The following PEBP4 variants were observed in gnomAD, a reference collection of about 807,000 sequenced individuals.
The protein encoded by PEBP4 is phosphatidylethanolamine binding protein 4, also known as phosphatidylethanolamine-binding protein 4.
PEBP4 carries 22 observed loss-of-function variants against 23.9 expected under a neutral mutation model. That is an observed-to-expected ratio of 0.92 (90% CI 0.66 to 1.31). PEBP4 has a LOEUF of 1.31. PEBP4 is among the 40% of genes most tolerant of loss of function. PEBP4 has a pLI of 0.00. For missense variants in PEBP4, 324 were observed against 281.7 expected (o/e 1.15, Z -1.07); for synonymous variants, 112 against 99.3 (o/e 1.13, Z -0.76).
Position 22,927,626 on chromosome 8 carries a change from C to A in PEBP4, c.89G>T (p.Cys30Phe). 6.2e-7 allele frequency: 1 copy of A among 1,613,868 alleles called. No individual in the cohort carries two copies. The highest frequency in any genetic ancestry group is 8.5e-7 in the Non-Finnish European group (1 of 1,179,828). ...CTCGTCCAAGAGGGCCTCATGGGCA[C>A]ACGGGCTGTTCTCATCCTCGTCTCC... is the stretch of plus-strand genomic sequence containing the variant. The part of the protein sequence containing the change: ...VTGDEDENSP[C>F]AHEALLDEDT... The change falls in exon 2 of 7, where the codon TGT (cysteine) becomes TTT (phenylalanine). Residue 30 changes from cysteine to phenylalanine, a missense_variant. Coordinates refer to ENST00000256404, the MANE Select transcript of PEBP4 (RefSeq NM_144962.3).
In PEBP4 at chr8:22,920,184, G is replaced by T. The variant is rs201555413; in HGVS notation, c.258C>A (p.Asp86Glu). 3 of 1,609,906 alleles carry T rather than the reference G, an allele frequency of 1.9e-6. No individual in the cohort carries two copies. In the South Asian group the frequency reaches 3.3e-5, roughly 18 times the overall value. The change falls in exon 3 of 7, where the codon GAC (aspartate) becomes GAA (glutamate). Residue 86 changes from aspartate (D) to glutamate (E), a missense_variant and splice_region_variant. By Grantham distance (45) the Asp-to-Glu change is conservative. Coordinates refer to ENST00000256404, the MANE Select transcript of PEBP4 (RefSeq NM_144962.3). Reference sequence around the variant, plus strand: ...CTTTAACACAGCCCTGCTCACTCACGTCCACGGCCCCCGGGAACTTGACTA... The same window carrying T: ...CTTTAACACAGCCCTGCTCACTCACTTCCACGGCCCCCGGGAACTTGACTA... ...EPIVKFPGAV[D>E]GATYILVMVD...
At chr8:22,878,482 G>A (rs939468349) in intron 3 of PEBP4, among the ~76,000 whole-genome samples, 1 of 152,180 alleles carries the variant, frequency 6.6e-6, no homozygotes, top group Non-Finnish European at 1.5e-5. Flanking sequence ...TTTTCTGCCC[G>A]TCAGTTTACC....
At chr8:22,891,666 A>G (rs1585328076) in intron 3 of PEBP4, among the ~76,000 whole-genome samples, 1 of 152,216 alleles carries the variant, frequency 6.6e-6, no homozygotes, top group East Asian at 1.9e-4. Flanking sequence ...AAGCCCACTT[A>G]GGTGGGCCCG....
intron 4 of PEBP4, among the ~76,000 whole-genome samples, chr8:22,736,799 G>A (rs910654139): frequency 6.6e-6 from 1 of 152,122 alleles, no homozygotes; most frequent in African/African-American, 2.4e-5. Context: ...ATAGGGAATT[G>A]GGTATTCCTT....
At chr8:22,741,787 C>T (rs966353272) in intron 4 of PEBP4, among the ~76,000 whole-genome samples, 2 of 152,228 alleles carry the variant, frequency 1.3e-5, no homozygotes, top group African/African-American at 4.8e-5. Flanking sequence ...TTGGGGGCAG[C>T]CCATACTGCT....
At chr8:22,734,455 G>T (rs1231358401) in intron 4 of PEBP4, among the ~76,000 whole-genome samples, 1 of 152,180 alleles carries the variant, frequency 6.6e-6, no homozygotes, top group African/African-American at 2.4e-5. Flanking sequence ...ATTATTTTGT[G>T]GACCAGTTTC....
intron 4 of PEBP4, among the ~76,000 whole-genome samples, chr8:22,733,208 A>T (rs1434621430): frequency 6.6e-6 from 1 of 152,148 alleles, no homozygotes; most frequent in Non-Finnish European, 1.5e-5. Flanking sequence ...GAGGGTGGGG[A>T]CTACACCCTA....
intron 3 of PEBP4, among the ~76,000 whole-genome samples, chr8:22,908,187 C>T (rs895951578): frequency 4.0e-5 from 6 of 151,888 alleles, no homozygotes; most frequent in African/African-American, 1.5e-4. Context: ...TATCAGACAC[C>T]ACAAATGCAT....
At chr8:22,850,037 C>A (rs1807518289) in intron 3 of PEBP4, among the ~76,000 whole-genome samples, 2 of 151,116 alleles carry the variant, frequency 1.3e-5, no homozygotes, top group African/African-American at 2.4e-5. Flanking sequence ...CACAGTTCAC[C>A]AAATATGTCC....
At chr8:22,730,543 A>G (rs1345334109) in intron 4 of PEBP4, among the ~76,000 whole-genome samples, 5 of 152,188 alleles carry the variant, frequency 3.3e-5, no homozygotes, top group African/African-American at 9.7e-5. Flanking sequence ...CTCAAAACAA[A>G]TATATGGATT....
intron 3 of PEBP4, among the ~76,000 whole-genome samples, chr8:22,891,776 T>G (rs1808499790): frequency 6.6e-6 from 1 of 152,140 alleles, no homozygotes; most frequent in African/African-American, 2.4e-5. Context: ...CTTCTCAGCT[T>G]AAGAAGCCAG....
intron 3 of PEBP4, among the ~76,000 whole-genome samples, chr8:22,830,544 C>A (rs998436079): frequency 6.6e-6 from 1 of 152,212 alleles, no homozygotes; most frequent in African/African-American, 2.4e-5. Context: ...GAGATCCAGA[C>A]CCTATGTCCA....
At chr8:22,748,273 C>T (rs1483593024) in intron 4 of PEBP4, among the ~76,000 whole-genome samples, 2 of 151,996 alleles carry the variant, frequency 1.3e-5, no homozygotes, top group East Asian at 1.9e-4. Flanking sequence ...GTTGGATGGA[C>T]CATTGAGAGG....
At chr8:22,854,955 TGC>T (rs1807610062) in intron 3 of PEBP4, among the ~76,000 whole-genome samples, 4 of 103,576 alleles carry the variant, frequency 3.9e-5, no homozygotes, top group East Asian at 3.4e-4. Context: ...TGTGTGTGTG[TGC>T]GTGCAAGCTT....
At chr8:22,929,179 C>T (rs946530415), upstream of PEBP4, among the ~76,000 whole-genome samples, 4 of 152,220 alleles carry the variant, frequency 2.6e-5, no homozygotes, top group Non-Finnish European at 5.9e-5. Context: ...TATGAATAGT[C>T]TAAGTATTCT....
Position 22,724,862 on chromosome 8 carries a change from G to A in PEBP4, c.498C>T (p.Pro166=). The A allele has an allele frequency of 6.2e-7, 1 of 1,613,598 alleles. No individual in the cohort carries two copies. The highest frequency in any genetic ancestry group is 8.5e-7 in the Non-Finnish European group (1 of 1,179,540). The change falls in exon 6 of 7, where the codon CCC becomes CCT. Residue 166 remains proline (P), a synonymous_variant. Transcript: ENST00000256404. Reference sequence around the variant, plus strand: ...TCTTACCTCGAGTTTTGTTTTCCTTGGGAAGGAGAGAGATGACTTTTCCTT... The same window carrying A: ...TCTTACCTCGAGTTTTGTTTTCCTTAGGAAGGAGAGAGATGACTTTTCCTT... ...LQEGKVISLL[P]KENKTRGSWK... is the part of the protein sequence containing the mutation.
At chr8:22,841,004 G>A (rs550893987) in intron 3 of PEBP4, among the ~76,000 whole-genome samples, 9 of 152,298 alleles carry the variant, frequency 5.9e-5, no homozygotes, top group African/African-American at 1.2e-4. Flanking sequence ...AAAGATTCTC[G>A]AAGAAATAAT....
chr8:22,924,965 TC>T, intron 2 of PEBP4: 1 of 985,374 alleles, frequency 1.0e-6, no homozygotes, highest in Non-Finnish European at 1.2e-6. Flanking sequence ...CTTTAAGAGT[TC>T]CCTGGTAGAC....
At chr8:22,728,938 C>T (rs1804679031) in intron 4 of PEBP4, among the ~76,000 whole-genome samples, 1 of 152,182 alleles carries the variant, frequency 6.6e-6, no homozygotes, top group African/African-American at 2.4e-5. Flanking sequence ...CTCCCTGATC[C>T]TGTTCTTTTC....
Sources: allele counts gnomAD v4.1 joint callset (sites outside exome capture counted in the v4.1 genomes callset), GRCh38; gene constraint gnomAD v4.1.1; transcripts MANE v1.5; gene names NCBI Gene and HGNC (gene_info 2026-07-23, HGNC 2026-07-21).